PPARD: variants seen among roughly 807,000 people sequenced by gnomAD.
PPARD encodes the protein peroxisome proliferator-activated receptor delta.
Under a neutral mutation model 39.5 loss-of-function variants are expected in PPARD, and 6 were observed. The observed-to-expected ratio is 0.15, with a 90% confidence interval of 0.08 to 0.30. The LOEUF (loss-of-function observed/expected upper bound fraction) is 0.30. Ranked by LOEUF, PPARD falls within the 10% of genes least tolerant of loss-of-function variation. The probability of loss-of-function intolerance (pLI) is 1.00; values close to 1 mark genes in which losing one functional copy is unlikely to be tolerated. For synonymous variants in PPARD, 210 were observed against 231.3 expected (o/e 0.91, Z 0.83); for missense variants, 397 against 596.8 (o/e 0.67, Z 3.49).
rs377338071 is a variant in PPARD at position 35,383,563 on chromosome 6, G to A, written c.-101-27424G>A. On this transcript the variant is annotated intron_variant, in intron 2 of 7. Coordinates refer to ENST00000360694, the MANE Select transcript of PPARD (RefSeq NM_006238.5). ...AGGTGAGGAGCGTCTCCGACCGGCCGCCATCCCATCTAGGAGGTGAGGAGC... is the reference window on the plus strand; with the variant it reads ...AGGTGAGGAGCGTCTCCGACCGGCCACCATCCCATCTAGGAGGTGAGGAGC... Among the ~76,000 whole-genome samples the A allele has an allele frequency of 4.1e-3, 589 of 143,632 alleles. 3 individuals carry two copies. The highest frequency in any genetic ancestry group is 0.031 in the South Asian group (146 of 4,664). 94.2% of individuals were successfully genotyped at this position (143,632 alleles called of 152,430 possible).
chr6:35,420,932 T>G (rs1766118610), intron 4 of PPARD, among the ~76,000 whole-genome samples: 1 of 143,754 alleles, frequency 7.0e-6, no homozygotes, highest in Non-Finnish European at 1.5e-5. Flanking sequence ...GTTCAGGAGA[T>G]TCTCCTGCCT....
In PPARD at chr6:35,426,213, A is replaced by G. The variant is rs1377054218; in HGVS notation, c.*134A>G. The G allele has an allele frequency of 1.8e-5, 22 of 1,250,238 alleles. No individual in the cohort carries two copies. The highest frequency in any genetic ancestry group is 2.6e-5 in the Admixed American group (1 of 38,892). 77.4% of individuals were successfully genotyped at this position (1,250,238 alleles called of 1,614,324 possible). On this transcript the variant is annotated 3_prime_UTR_variant, in exon 8 of 8. Transcript: ENST00000360694. ...GAGTCCCACGATCGCCCTCAGACAC[A>G]TGACACCCACGGCCTCTGGCTCCCT...
In PPARD at chr6:35,426,565, C is replaced by G; in HGVS notation, c.*486C>G. 5.6e-6 allele frequency: 1 copy of G among 177,596 alleles called. No individual in the cohort carries two copies. Among genetic ancestry groups the G allele is most frequent in the Non-Finnish European group, 1.2e-5 (1 of 83,242 alleles). The allele number at this position is 177,596 out of a possible 1,614,324, so 11.0% of individuals were successfully genotyped here. The stretch of plus-strand genomic sequence containing the variant: ...TGCAGGCTTAGGTCCTCACTTCTGT[C>G]TCCTGTCTTCAGAGCAAAAGACTTG... On this transcript the variant is annotated 3_prime_UTR_variant, in exon 8 of 8. Coordinates refer to ENST00000360694, the MANE Select transcript of PPARD (RefSeq NM_006238.5).
intron 2 of PPARD, among the ~76,000 whole-genome samples, chr6:35,379,622 G>C (rs1293315906): frequency 6.6e-6 from 1 of 152,226 alleles, no homozygotes; most frequent in East Asian, 1.9e-4. Flanking sequence ...GCAACCAGTG[G>C]TGCCCAACAG....
chr6:35,347,832 C>A (rs1303771811), intron 2 of PPARD, among the ~76,000 whole-genome samples: 2 of 151,626 alleles, frequency 1.3e-5, no homozygotes, highest in Non-Finnish European at 2.9e-5. Flanking sequence ...TGGTCTGGAA[C>A]TCCTGACCTC....
intron 2 of PPARD, among the ~76,000 whole-genome samples, chr6:35,398,202 G>A (rs774878075): frequency 1.3e-5 from 2 of 152,182 alleles, no homozygotes; most frequent in African/African-American, 4.8e-5. Flanking sequence ...TTTGACTGCT[G>A]TACAGAGAGT....
intron 1 of PPARD, among the ~76,000 whole-genome samples, chr6:35,346,300 G>A (rs932726616): frequency 1.3e-4 from 20 of 152,136 alleles, no homozygotes; most frequent in African/African-American, 4.8e-4. Context: ...TGAAGGGCTT[G>A]GAAATTGCAG....
chr6:35,391,212 T>G (rs556835597), intron 2 of PPARD, among the ~76,000 whole-genome samples: 3 of 152,218 alleles, frequency 2.0e-5, no homozygotes, highest in Non-Finnish European at 2.9e-5. Flanking sequence ...TAAAAATCAC[T>G]TAATGATTTA....
chr6:35,407,927 T>C (rs1177909896), intron 2 of PPARD, among the ~76,000 whole-genome samples: 1 of 152,156 alleles, frequency 6.6e-6, no homozygotes, highest in Non-Finnish European at 1.5e-5. Context: ...GCTAAGTGTC[T>C]TTATGTCTCC....
chr6:35,420,467 G>A (rs1308083666), intron 4 of PPARD, among the ~76,000 whole-genome samples, 186 bp downstream of exon 4: 1 of 152,194 alleles, frequency 6.6e-6, no homozygotes, highest in Non-Finnish European at 1.5e-5. Flanking sequence ...AGAAGAGGGG[G>A]TTCCCTTGTC....
chr6:35,423,054 CAAAAAAAAA>C (rs56317397), intron 5 of PPARD, among the ~76,000 whole-genome samples: 64 of 71,722 alleles, frequency 8.9e-4, no homozygotes, highest in African/African-American at 1.3e-3. Context: ...CTCATCTCTA[CAAAAAAAAA>C]AAAAAAAAAA....
intron 2 of PPARD, among the ~76,000 whole-genome samples, chr6:35,379,555 T>TTAAGAAGGGA (rs1763018781): frequency 1.3e-5 from 2 of 152,226 alleles, no homozygotes; most frequent in African/African-American, 4.8e-5. Context: ...AAGTCCCTCT[T>TTAAGAAGGGA]CTTAGAGAGG....
At chr6:35,374,311 GGC>G (rs1562185056) in intron 2 of PPARD, among the ~76,000 whole-genome samples, 4 of 146,658 alleles carry the variant, frequency 2.7e-5, no homozygotes, top group African/African-American at 8.1e-5. Context: ...TCGGCGGTGG[GGC>G]GGGGGGGTTT....
In PPARD at chr6:35,366,860, A is replaced by G. The variant is rs1378115202; in HGVS notation, c.-102+19710A>G. 6.6e-6 allele frequency among the ~76,000 whole-genome samples: 1 copy of G among 152,218 alleles called. No homozygotes were observed. The highest frequency in any genetic ancestry group is 1.5e-5 in the Non-Finnish European group (1 of 68,046). On this transcript the variant is annotated intron_variant, in intron 2 of 7. Transcript: ENST00000360694. The surrounding 1 kb of genome is among the most constrained non-coding windows in gnomAD (Gnocchi z 4.6). The stretch of plus-strand genomic sequence containing the variant: ...CCGCTGCATCCGGCCTCTGTATTAA[A>G]TACTTTAGCTGCATATTCTTTCTTC...
chr6:35,361,879 G>A (rs556839417), intron 2 of PPARD, among the ~76,000 whole-genome samples: 8 of 152,212 alleles, frequency 5.3e-5, no homozygotes, highest in Non-Finnish European at 8.8e-5. Context: ...CTTGCAAGCT[G>A]TTTATCTGAC....
At chr6:35,422,960 G>A (rs750816485) in intron 5 of PPARD, among the ~76,000 whole-genome samples, 1 of 140,874 alleles carries the variant, frequency 7.1e-6, no homozygotes, top group Non-Finnish European at 1.5e-5. Context: ...GCTCACACCT[G>A]TAATCCCATC....
intron 1 of PPARD, among the ~76,000 whole-genome samples, chr6:35,346,435 G>C (rs1253791662): frequency 6.6e-6 from 1 of 152,146 alleles, no homozygotes; most frequent in Non-Finnish European, 1.5e-5. Context: ...CCCTGTGCCC[G>C]GTGCCATTGT....
At chr6:35,343,779 T>C (rs1033166093) in intron 1 of PPARD, among the ~76,000 whole-genome samples, 1 of 152,176 alleles carries the variant, frequency 6.6e-6, no homozygotes, top group African/African-American at 2.4e-5. Context: ...CCAATTCTTT[T>C]CCCCTTCCAG....
intron 1 of PPARD, among the ~76,000 whole-genome samples, chr6:35,342,942 C>T (rs1791940304): frequency 1.3e-5 from 2 of 151,980 alleles, no homozygotes; most frequent in Admixed American, 6.5e-5. Flanking sequence ...TGAGTGAGTC[C>T]GAAATACGGG....
Sources: gnomAD v4.1 joint callset for allele counts (sites outside exome capture counted in the v4.1 genomes callset) on GRCh38, gnomAD v4.1.1 for gene constraint, Gnocchi (gnomAD v3.1) non-coding constraint, MANE v1.5 for transcripts, NCBI Gene and HGNC (gene_info 2026-07-23, HGNC 2026-07-21) for gene names.